The following MGAM variants were observed in gnomAD, a reference collection of about 807,000 sequenced individuals.
MGAM encodes the protein alpha-1,4-glucosidase.
In MGAM, 253 loss-of-function variants were observed where a neutral mutation model predicts 358.8. The ratio of observed to expected loss-of-function variants is 0.71; its 90% CI spans 0.64 to 0.78. MGAM has a LOEUF of 0.78. Among genes scored for constraint, MGAM ranks in the 30% least tolerant of loss-of-function variants. The pLI is 0.00. For synonymous variants in MGAM, 1,105 were observed against 1,227.1 expected, an observed-to-expected ratio of 0.90 and a Z score of 2.08; for missense variants, 3,080 against 3,432.6, an observed-to-expected ratio of 0.90 and a Z score of 2.57.
At chr7:142,005,933 A>G (rs1217705583) in intron 2 of MGAM, among the ~76,000 whole-genome samples, 1 of 152,116 alleles carries the variant, frequency 6.6e-6, no homozygotes, top group Non-Finnish European at 1.5e-5. Flanking sequence ...TAATTCTGCT[A>G]AGAATGATAA....
chr7:142,094,608 T>C lies in MGAM; in HGVS notation c.7307-12T>C. 6.2e-7 allele frequency: 1 copy of C among 1,608,434 alleles called. No individual in the cohort carries two copies. Among genetic ancestry groups the C allele is most frequent in the Non-Finnish European group, 8.5e-7 (1 of 1,176,464 alleles). ...CGAGCCTGGTGTGACACAGCTGTGC[T>C]TCTCGTTGCAGGCATGATGGAGTTC... On this transcript the variant is annotated splice_polypyrimidine_tract_variant and intron_variant, in intron 61 of 70. Transcript: ENST00000475668.
intron 4 of MGAM, 21 bp downstream of exon 4, chr7:142,019,340 A>G: frequency 1.9e-6 from 3 of 1,609,484 alleles, no homozygotes; most frequent in Non-Finnish European, 2.5e-6. Context: ...GTCTGCCATG[A>G]TGCAGGAGGT....
In MGAM at chr7:142,036,188, G is replaced by T; in HGVS notation, c.1979G>T (p.Gly660Val). 6.2e-7 allele frequency: 1 copy of T among 1,611,778 alleles called. No individual in the cohort carries two copies. The highest frequency in any genetic ancestry group is 8.5e-7 in the Non-Finnish European group (1 of 1,178,936). The change falls in exon 17 of 71, where the codon GGC (glycine) becomes GTC (valine). Residue 660 changes from glycine to valine, a missense_variant. Gly to Val is a moderately radical substitution (Grantham distance 109, BLOSUM62 -3). Coordinates refer to ENST00000475668, the MANE Select transcript of MGAM (RefSeq NM_001365693.1). ...GIPMVGPDIC[G>V]FALDTPEELC... is the part of the protein sequence containing the mutation. ...TTCCAGGTGGGTCCTGACATATGTG[G>T]CTTTGCTTTGGACACCCCTGAGGAG...
At chr7:142,082,596 A>G (rs1412333120) in intron 52 of MGAM, 25 bp downstream of exon 52, 1 of 1,439,154 alleles carries the variant, frequency 6.9e-7, no homozygotes. Flanking sequence ...CGCCTCCCTT[A>G]TTTTGGGGGG....
upstream of MGAM, among the ~76,000 whole-genome samples, chr7:141,995,245 C>CA (rs60373445): frequency 0.27 from 36,072 of 134,054 alleles, 6,887 homozygotes; most frequent in African/African-American, 0.55. Context: ...AAAAGCCAAC[C>CA]AAAAAAAAAA....
rs1409005814 is a variant in MGAM at position 142,095,777 on chromosome 7, T to C, written c.7607+64T>C. 8 of 1,588,320 alleles carry C rather than the reference T, an allele frequency of 5.0e-6. No individual in the cohort carries two copies. In the African/African-American group the frequency reaches 9.5e-5, roughly 19 times the overall value. Reference sequence around the variant, plus strand: ...CTTATTGCATTCTATATGGTGACAGTTGAATTCTTCCAAATTAAAGACATG... The same window carrying C: ...CTTATTGCATTCTATATGGTGACAGCTGAATTCTTCCAAATTAAAGACATG... On this transcript the variant is annotated intron_variant, in intron 64 of 70. Coordinates refer to ENST00000475668, the MANE Select transcript of MGAM (RefSeq NM_001365693.1).
At position 142,069,834 on chromosome 7, in the gene MGAM, T is replaced by C. The variant is rs1224560273; in HGVS notation, c.5061+1131T>C. Among the ~76,000 whole-genome samples the C allele has an allele frequency of 4.1e-5, 6 of 145,246 alleles. 1 individual carries two copies. Among genetic ancestry groups the C allele is most frequent in the Non-Finnish European group, 9.3e-5 (6 of 64,218 alleles). On this transcript the variant is annotated intron_variant, in intron 43 of 70. Transcript: ENST00000475668. ...TGTGCATGTTGAGTCTCCCATTCAC[T>C]ACCAGAAGATATCTTTGATGGAAGA...
intron 22 of MGAM, among the ~76,000 whole-genome samples, chr7:142,048,217 A>C (rs1157904703): frequency 6.6e-6 from 1 of 151,356 alleles, no homozygotes; most frequent in African/African-American, 2.4e-5. Context: ...CAGTGGCGCG[A>C]TCTCGGCTCA....
chr7:142,078,657 G>A (rs1813956083), intron 48 of MGAM, 151 bp from the exon 49 acceptor site: 2 of 1,071,700 alleles, frequency 1.9e-6, no homozygotes, highest in Admixed American at 2.9e-5. Context: ...ATTTTGCTTG[G>A]AGACCAGGAA....
chr7:142,049,134 T>C (rs1419137512), intron 22 of MGAM, among the ~76,000 whole-genome samples: 1 of 152,226 alleles, frequency 6.6e-6, no homozygotes, highest in Non-Finnish European at 1.5e-5. Context: ...CTCTGGCTTA[T>C]TTCACTTAGT....
intron 16 of MGAM, 57 bp from the exon 17 acceptor site, chr7:142,036,112 C>A: frequency 2.3e-6 from 3 of 1,287,604 alleles, no homozygotes; most frequent in Non-Finnish European, 2.2e-6. Context: ...TGGTGGAAAG[C>A]AAAGGAGGGT....
At chr7:142,001,434 A>G (rs73542711) in intron 1 of MGAM, among the ~76,000 whole-genome samples, 10,525 of 152,256 alleles carry the variant, frequency 0.069, 1,012 homozygotes, top group African/African-American at 0.22. Flanking sequence ...ATGAGACCGC[A>G]AGGAAATATC....
At chr7:141,992,291 C>T (rs1329179693), upstream of MGAM, among the ~76,000 whole-genome samples, 1 of 152,024 alleles carries the variant, frequency 6.6e-6, no homozygotes, top group African/African-American at 2.4e-5. Flanking sequence ...GCTTAAGCTC[C>T]CCCAGTTAAT....
intron 41 of MGAM, among the ~76,000 whole-genome samples, chr7:142,067,061 C>T (rs576243071): frequency 6.8e-6 from 1 of 146,018 alleles, no homozygotes; most frequent in South Asian, 2.2e-4. Context: ...AATTGAGGGA[C>T]GAGGGCCATC....
chr7:142,026,408 A>C (rs554716121), intron 8 of MGAM, among the ~76,000 whole-genome samples: 96 of 152,312 alleles, frequency 6.3e-4, no homozygotes, highest in African/African-American at 2.0e-3. Context: ...AAAAAGGTAG[A>C]TTAGCAATAG....
Position 142,062,617 on chromosome 7 carries a change from C to G in MGAM, c.4172C>G (p.Ala1391Gly). The G allele has an allele frequency of 3.7e-6, 6 of 1,611,784 alleles. No homozygotes were observed. Among genetic ancestry groups the G allele is most frequent in the Non-Finnish European group, 5.1e-6 (6 of 1,178,482 alleles). Residue 1391 changes from alanine to glycine, a missense_variant, in exon 35 of 71, where the codon GCC becomes GGC. Physicochemically the swap from Ala to Gly is moderately conservative, Grantham distance 60. Transcript: ENST00000475668. ...AFPDFFRNST[A>G]KWWKREIEEL... ...CCAGACTTTTTCCGTAATTCAACTG[C>G]CAAGTGGTGGAAGAGGGAAATAGAA...
chr7:142,068,756 G>C, intron 43 of MGAM, 53 bp downstream of exon 43: 1 of 1,349,564 alleles, frequency 7.4e-7, no homozygotes, highest in Non-Finnish European at 1.0e-6. Flanking sequence ...AGAGTACAAA[G>C]GCTTTAGGTC....
chr7:142,037,060 G>A, intron 18 of MGAM, 83 bp downstream of exon 18: 1 of 1,396,212 alleles, frequency 7.2e-7, no homozygotes, highest in Non-Finnish European at 9.9e-7. Context: ...AGTGAAAACT[G>A]AAACAATTCA....
chr7:142,040,440 G>C lies in MGAM; in HGVS notation c.2373+269G>C, dbSNP rs1353142578. 2.2e-5 allele frequency: 13 copies of C among 581,390 alleles called. No individual in the cohort carries two copies. The South Asian group carries it at 3.1e-4, about 14-fold the overall frequency. 36.0% of individuals were successfully genotyped at this position (581,390 alleles called of 1,614,324 possible). On this transcript the variant is annotated intron_variant, in intron 20 of 70. Coordinates refer to ENST00000475668, the MANE Select transcript of MGAM (RefSeq NM_001365693.1). Reference sequence around the variant, plus strand: ...TAAATTAATATTGGAGGAACTGATGGACAATGTGAGCTTGGTCAGGAATCA... The same window carrying C: ...TAAATTAATATTGGAGGAACTGATGCACAATGTGAGCTTGGTCAGGAATCA...
Sources: allele counts gnomAD v4.1 joint callset (sites outside exome capture counted in the v4.1 genomes callset), GRCh38; gene constraint gnomAD v4.1.1; transcripts MANE v1.5; gene names NCBI Gene and HGNC (gene_info 2026-07-23, HGNC 2026-07-21).